The following THEMIS variants were observed in gnomAD, a reference collection of about 807,000 sequenced individuals.
The protein encoded by THEMIS is protein THEMIS.
In THEMIS, 37 loss-of-function variants were observed where a neutral mutation model predicts 52.6. The observed-to-expected ratio is 0.70, with a 90% CI of 0.54 to 0.93. The LOEUF is 0.93. THEMIS is among the 40% of genes least tolerant of loss of function. THEMIS has a pLI of 0.00. For missense variants in THEMIS, 808 were observed against 763.1 expected (o/e 1.06, Z -0.69); for synonymous variants, 292 against 272.7 (o/e 1.07, Z -0.70).
intron 3 of THEMIS, among the ~76,000 whole-genome samples, chr6:127,828,515 G>A (rs1778584079): frequency 6.6e-6 from 1 of 152,070 alleles, no homozygotes; most frequent in Non-Finnish European, 1.5e-5. Context: ...TTAGAATCTA[G>A]GACTCCAAGT....
chr6:127,738,868 T>C (rs1036875913), intron 4 of THEMIS, among the ~76,000 whole-genome samples: 1 of 152,230 alleles, frequency 6.6e-6, no homozygotes, highest in Non-Finnish European at 1.5e-5. Context: ...CCATAGCTGA[T>C]AATTCCAAGT....
At chr6:127,827,664 T>C (rs1778552618) in intron 3 of THEMIS, among the ~76,000 whole-genome samples, 1 of 152,176 alleles carries the variant, frequency 6.6e-6, no homozygotes, top group South Asian at 2.1e-4. Flanking sequence ...GGAACAAGTT[T>C]GGCTTTTTTC....
At chr6:127,902,336 A>AAT (rs1444040170), upstream of THEMIS, among the ~76,000 whole-genome samples, 14 of 150,252 alleles carry the variant, frequency 9.3e-5, no homozygotes, top group Non-Finnish European at 1.3e-4. Context: ...AAAAAAAAAA[A>AAT]AAAAAAAAAT....
At position 127,916,035 on chromosome 6, in the gene THEMIS, C is replaced by G. The variant is rs533424113; in HGVS notation, c.-150+2393G>C. 2.0e-5 allele frequency among the ~76,000 whole-genome samples: 3 copies of G among 152,052 alleles called. No homozygotes were observed. The South Asian group carries it at 6.2e-4, about 32-fold the overall frequency. ...GAATGAGCAAATTTGTTTTTTCCCC[C>G]TAAAACTAGGTGTCAGAACTTTCTA... On this transcript the variant is annotated intron_variant, in intron 1 of 6. Coordinates refer to the THEMIS transcript ENST00000368250.
intron 1 of THEMIS, among the ~76,000 whole-genome samples, chr6:127,869,284 C>G (rs1313664816): frequency 6.6e-6 from 1 of 152,120 alleles, no homozygotes; most frequent in Non-Finnish European, 1.5e-5. Flanking sequence ...ATAGCTTAGC[C>G]TAAACTACCT....
intron 4 of THEMIS, among the ~76,000 whole-genome samples, chr6:127,773,840 A>G (rs945366839): frequency 1.3e-5 from 2 of 152,236 alleles, no homozygotes; most frequent in African/African-American, 4.8e-5. Context: ...TGTATTTAGT[A>G]TAATCTTATG....
At chr6:127,795,684 G>A (rs1056617049) in intron 4 of THEMIS, among the ~76,000 whole-genome samples, 13 of 152,096 alleles carry the variant, frequency 8.5e-5, no homozygotes, top group Non-Finnish European at 2.9e-5. Flanking sequence ...GAAAGTACAG[G>A]AAGCTGAGAA....
intron 1 of THEMIS, among the ~76,000 whole-genome samples, chr6:127,916,183 T>C (rs1308003055): frequency 1.3e-5 from 2 of 151,562 alleles, no homozygotes; most frequent in African/African-American, 4.8e-5. Context: ...TTTTTTTATA[T>C]TATAATTAAA....
chr6:127,703,086 C>T (rs1169194320), downstream of THEMIS, among the ~76,000 whole-genome samples: 3 of 104,038 alleles, frequency 2.9e-5, no homozygotes, highest in Non-Finnish European at 5.3e-5. Context: ...CTCGCTCTGT[C>T]GCCCAGGCTG....
In THEMIS at chr6:127,819,897, C is replaced by T. The variant is rs73771858; in HGVS notation, c.710-5966G>A. The stretch of plus-strand genomic sequence containing the variant: ...AGGCAGAATAAAACGTTTTATTTTT[C>T]GTATTCTTAATTGATCTAACAGAAA... On this transcript the variant is annotated intron_variant, in intron 3 of 5. Coordinates refer to ENST00000368248, the MANE Select transcript of THEMIS (RefSeq NM_001010923.3). 5.1e-3 allele frequency among the ~76,000 whole-genome samples: 773 copies of T among 152,114 alleles called. 7 individuals carry two copies. The highest frequency in any genetic ancestry group is 0.018 in the African/African-American group (739 of 41,512).
rs189891063 is a variant in THEMIS, at chr6:127,716,349, G to A, written c.1894+3339C>T. On this transcript the variant is annotated intron_variant, in intron 5 of 5. Transcript: ENST00000368248. ...TAATGAGTGACCCACATAATAATCAGATCCTCCTCAGAACTAAATAATCAT... is the reference window on the plus strand; with the variant it reads ...TAATGAGTGACCCACATAATAATCAAATCCTCCTCAGAACTAAATAATCAT... Among the ~76,000 whole-genome samples the A allele has an allele frequency of 9.9e-5, 15 of 151,950 alleles. 1 individual carries two copies. In the East Asian group the frequency reaches 2.0e-3, roughly 20 times the overall value.
At chr6:127,812,352 A>G (rs536547536) in intron 4 of THEMIS, among the ~76,000 whole-genome samples, 21 of 152,322 alleles carry the variant, frequency 1.4e-4, no homozygotes, top group Admixed American at 4.6e-4. Context: ...TAAGATAAGC[A>G]GAATGTGGGC....
chr6:127,829,404 G>C lies in THEMIS; in HGVS notation c.709+72C>G, dbSNP rs76624440. On this transcript the variant is annotated intron_variant, in intron 3 of 5. Transcript: ENST00000368248. Reference sequence around the variant, plus strand: ...ATAAAGACAGACTCCCATTCTTCAGGCTCTAAAATCTTTCTTTCCCAAACC... The same window carrying C: ...ATAAAGACAGACTCCCATTCTTCAGCCTCTAAAATCTTTCTTTCCCAAACC... 4.1e-3 allele frequency: 5,055 copies of C among 1,238,998 alleles called. 165 individuals are homozygous for C. In the African/African-American group the frequency reaches 0.068, roughly 17 times the overall value. 76.8% of individuals were successfully genotyped at this position (1,238,998 alleles called of 1,614,324 possible).
At chr6:127,894,679 A>G (rs755782692) in intron 1 of THEMIS, among the ~76,000 whole-genome samples, 5 of 151,800 alleles carry the variant, frequency 3.3e-5, no homozygotes, top group Non-Finnish European at 5.9e-5. Context: ...CATAGAGAAT[A>G]TTAACAAAAC....
chr6:127,910,594 TG>T (rs1476707922), intron 1 of THEMIS, among the ~76,000 whole-genome samples: 1 of 152,154 alleles, frequency 6.6e-6, no homozygotes, highest in Non-Finnish European at 1.5e-5. Flanking sequence ...ACATTTGAAA[TG>T]GAGTTTATAA....
chr6:127,845,544 G>A (rs1012040776), intron 2 of THEMIS, among the ~76,000 whole-genome samples: 2 of 151,926 alleles, frequency 1.3e-5, no homozygotes, highest in South Asian at 2.1e-4. Flanking sequence ...CAACTTGACA[G>A]TCATAGGAGA....
chr6:127,803,817 C>T (rs530685106), intron 4 of THEMIS, among the ~76,000 whole-genome samples: 33 of 152,274 alleles, frequency 2.2e-4, no homozygotes, highest in African/African-American at 7.9e-4. Context: ...AGGCTCTTTC[C>T]TTACCTGATC....
chr6:127,769,057 A>G (rs1776290041), intron 4 of THEMIS, among the ~76,000 whole-genome samples: 1 of 152,226 alleles, frequency 6.6e-6, no homozygotes, highest in South Asian at 2.1e-4. Flanking sequence ...TTCCTTTGCT[A>G]GCTGGCTGGC....
chr6:127,780,463 A>G (rs1424088957), intron 4 of THEMIS, among the ~76,000 whole-genome samples: 3 of 152,172 alleles, frequency 2.0e-5, no homozygotes, highest in Admixed American at 2.0e-4. Context: ...TATTTTGCCA[A>G]TTAGTTGACG....
Sources: gnomAD v4.1 joint callset for allele counts (sites outside exome capture counted in the v4.1 genomes callset) on GRCh38, gnomAD v4.1.1 for gene constraint, MANE v1.5 for transcripts, NCBI Gene and HGNC (gene_info 2026-07-23, HGNC 2026-07-21) for gene names.